Variants in CSMD1 observed in about 807,000 individuals in gnomAD.
CSMD1 encodes the protein CUB and sushi domain-containing protein 1.
Under a neutral mutation model 417.5 loss-of-function variants are expected in CSMD1, and 213 were observed. That is an observed-to-expected ratio of 0.51 (90% CI 0.46 to 0.57). CSMD1 has a LOEUF of 0.57. Ranked by LOEUF, CSMD1 falls within the 20% of genes least tolerant of loss-of-function variation. CSMD1 has a pLI of 0.00. For synonymous variants in CSMD1, 2,862 were observed against 1,736.8 expected (o/e 1.65, Z -16.11); for missense variants, 6,923 against 4,529.7 (o/e 1.53, Z -15.17).
rs904914928 is a variant in CSMD1, at chr8:3,294,039, C to G, written c.3951-9693G>C. Among the ~76,000 whole-genome samples the G allele has an allele frequency of 3.3e-5, 5 of 152,184 alleles. No homozygotes were observed. In the East Asian group the frequency reaches 7.7e-4, roughly 24 times the overall value. On this transcript the variant is annotated intron_variant, in intron 25 of 69. Transcript: ENST00000635120. ...TCCTTTCTGTTTGTTAGTTTTCCTTCTAACAGTCAGGACCCTCAGCTGCAC... is the reference window on the plus strand; with the variant it reads ...TCCTTTCTGTTTGTTAGTTTTCCTTGTAACAGTCAGGACCCTCAGCTGCAC...
chr8:3,845,775 C>G (rs1052420712), intron 5 of CSMD1, among the ~76,000 whole-genome samples: 1 of 152,098 alleles, frequency 6.6e-6, no homozygotes, highest in Non-Finnish European at 1.5e-5. Flanking sequence ...CTTTGTACAG[C>G]TGTATAAAAT....
At chr8:4,484,296 T>C (rs945811209) in intron 2 of CSMD1, among the ~76,000 whole-genome samples, 1 of 152,168 alleles carries the variant, frequency 6.6e-6, no homozygotes, top group Non-Finnish European at 1.5e-5. Context: ...TTTGTCCCTC[T>C]GTCCTGATCA....
At chr8:4,129,379 T>G (rs2130972960) in intron 3 of CSMD1, among the ~76,000 whole-genome samples, 1 of 152,196 alleles carries the variant, frequency 6.6e-6, no homozygotes, top group East Asian at 1.9e-4. Context: ...CTTGACCACC[T>G]CCACCCCCAA....
At chr8:3,784,272 T>C (rs969024825) in intron 5 of CSMD1, among the ~76,000 whole-genome samples, 1 of 152,184 alleles carries the variant, frequency 6.6e-6, no homozygotes, top group Non-Finnish European at 1.5e-5. Flanking sequence ...CCTTGCTAGA[T>C]TACTAAATTT....
chr8:3,890,464 G>C (rs897960229), intron 5 of CSMD1, among the ~76,000 whole-genome samples: 3 of 151,862 alleles, frequency 2.0e-5, no homozygotes, highest in African/African-American at 7.3e-5. Flanking sequence ...GATTCCAGCT[G>C]AGTGAGGGAA....
intron 6 of CSMD1, among the ~76,000 whole-genome samples, chr8:3,732,941 A>G (rs1393737777): frequency 3.3e-5 from 5 of 152,110 alleles, no homozygotes; most frequent in Admixed American, 2.0e-4. Flanking sequence ...TCTATCCATT[A>G]TCTATCTATC....
At chr8:4,000,732 T>C (rs1331817496) in intron 4 of CSMD1, among the ~76,000 whole-genome samples, 1 of 152,036 alleles carries the variant, frequency 6.6e-6, no homozygotes, top group Non-Finnish European at 1.5e-5. Flanking sequence ...GTTTTTCATG[T>C]ATAAATATAT....
chr8:4,861,450 G>A (rs1232243255), intron 1 of CSMD1, among the ~76,000 whole-genome samples: 1 of 152,076 alleles, frequency 6.6e-6, no homozygotes, highest in Non-Finnish European at 1.5e-5. Flanking sequence ...TCTTGGAAGT[G>A]CTCGTAGACA....
intron 30 of CSMD1, among the ~76,000 whole-genome samples, chr8:3,207,396 G>C (rs1025578853): frequency 6.6e-6 from 1 of 151,484 alleles, no homozygotes; most frequent in African/African-American, 2.4e-5. Flanking sequence ...GCATGGCTCA[G>C]CCTCCCAAAG....
At chr8:3,518,298 A>G (rs1195275868) in intron 10 of CSMD1, among the ~76,000 whole-genome samples, 1 of 152,198 alleles carries the variant, frequency 6.6e-6, no homozygotes, top group Non-Finnish European at 1.5e-5. Flanking sequence ...TATTTCATGC[A>G]GCCAAAAGCT....
intron 3 of CSMD1, among the ~76,000 whole-genome samples, chr8:4,080,333 C>G (rs1585269916): frequency 6.6e-6 from 1 of 150,502 alleles, no homozygotes; most frequent in Non-Finnish European, 1.5e-5. Flanking sequence ...CCCGTGAGTA[C>G]TTCACAAGTG....
In CSMD1 at chr8:4,415,169, C is replaced by CAA. The variant is rs1554468383; in HGVS notation, c.415+4783_415+4784insTT. On this transcript the variant is annotated intron_variant, in intron 3 of 69. Coordinates refer to ENST00000635120, the MANE Select transcript of CSMD1 (RefSeq NM_033225.6). ...CAGATAGGGCAGAAAGGCTCAGCTC[C>CAA]AGGCTCTCTGAGCTCCAGAGAACCC... is the stretch of plus-strand genomic sequence containing the variant. 2.4e-4 allele frequency among the ~76,000 whole-genome samples: 36 copies of CAA among 152,220 alleles called. 2 individuals are homozygous for CAA. In the South Asian group the frequency reaches 6.8e-3, roughly 29 times the overall value.
chr8:3,733,104 G>C (rs1460676982), intron 6 of CSMD1, among the ~76,000 whole-genome samples: 1 of 150,262 alleles, frequency 6.7e-6, no homozygotes, highest in Non-Finnish European at 1.5e-5. Flanking sequence ...ACCAACAGAG[G>C]CTAAAGTGGA....
chr8:4,644,190 G>A (rs1346689444), intron 1 of CSMD1, among the ~76,000 whole-genome samples: 2 of 152,144 alleles, frequency 1.3e-5, no homozygotes, highest in Non-Finnish European at 2.9e-5. Context: ...AAAGGAAAAG[G>A]GAGGTTTTCA....
At chr8:4,373,140 T>TC (rs1241085242) in intron 3 of CSMD1, among the ~76,000 whole-genome samples, 1 of 152,028 alleles carries the variant, frequency 6.6e-6, no homozygotes, top group Non-Finnish European at 1.5e-5. Context: ...ATCAGACACC[T>TC]CCCTAGGGAG....
intron 49 of CSMD1, among the ~76,000 whole-genome samples, chr8:3,078,349 C>G (rs1290166085): frequency 6.6e-6 from 1 of 152,140 alleles, no homozygotes; most frequent in Non-Finnish European, 1.5e-5. Context: ...TCGATGTGTG[C>G]TAAGCATGGA....
At chr8:3,143,358 C>A (rs188012425) in intron 40 of CSMD1, among the ~76,000 whole-genome samples, 5 of 152,046 alleles carry the variant, frequency 3.3e-5, no homozygotes, top group Non-Finnish European at 7.4e-5. Flanking sequence ...TCTAATCAAC[C>A]GCACCATAAC....
chr8:4,160,869 T>C (rs1284425418), intron 3 of CSMD1, among the ~76,000 whole-genome samples: 1 of 152,196 alleles, frequency 6.6e-6, no homozygotes, highest in Non-Finnish European at 1.5e-5. Context: ...AAGGAGAAAT[T>C]CTAAAAAGGA....
chr8:4,902,778 C>T (rs1366184768), intron 1 of CSMD1, among the ~76,000 whole-genome samples: 1 of 151,980 alleles, frequency 6.6e-6, no homozygotes, highest in Admixed American at 6.6e-5. Flanking sequence ...TCTGCCCAGG[C>T]AGTAAACACA....
Sources: gnomAD v4.1 joint callset for allele counts (sites outside exome capture counted in the v4.1 genomes callset) on GRCh38, gnomAD v4.1.1 for gene constraint, MANE v1.5 for transcripts, NCBI Gene and HGNC (gene_info 2026-07-23, HGNC 2026-07-21) for gene names.